Variants in MTFR2 observed in about 807,000 individuals in gnomAD.
The protein encoded by MTFR2 is DUF729 domain-containing protein 1.
A neutral mutation model predicts 41.2 loss-of-function variants in MTFR2; 44 were observed. The ratio of observed to expected loss-of-function variants is 1.07; its 90% CI spans 0.84 to 1.37. The LOEUF is 1.37. MTFR2 is among the 40% of genes most tolerant of loss of function. The pLI is 0.00. For missense variants in MTFR2, 452 were observed against 459.5 expected, an observed-to-expected ratio of 0.98 and a Z score of 0.15; for synonymous variants, 141 against 154.6, an observed-to-expected ratio of 0.91 and a Z score of 0.65.
chr6:136,246,069 C>T (rs1001110114), intron 2 of MTFR2, among the ~76,000 whole-genome samples: 2 of 152,104 alleles, frequency 1.3e-5, no homozygotes, highest in African/African-American at 4.8e-5. Flanking sequence ...CATCTGCGTA[C>T]CCCTGCTAAG....
At chr6:136,236,344 T>C (rs6909064) in intron 6 of MTFR2, among the ~76,000 whole-genome samples, 2,166 of 152,196 alleles carry the variant, frequency 0.014, 41 homozygotes, top group African/African-American at 0.049. Context: ...TGATGACACT[T>C]GGCTCCCAAC....
intron 3 of MTFR2, 111 bp downstream of exon 3, chr6:136,244,653 GT>G: frequency 6.9e-6 from 5 of 721,834 alleles, no homozygotes; most frequent in South Asian, 1.8e-5. Flanking sequence ...TAAACTACAG[GT>G]TTTTGGCTTG....
intron 6 of MTFR2, among the ~76,000 whole-genome samples, chr6:136,234,633 T>C (rs1779857723): frequency 6.6e-6 from 1 of 152,150 alleles, no homozygotes; most frequent in South Asian, 2.1e-4. Flanking sequence ...CTAGAACTGA[T>C]TCAAGCACAA....
Position 136,241,077 on chromosome 6 carries a change from C to A in MTFR2, c.514+367G>T, listed in dbSNP as rs181047105. Among the ~76,000 whole-genome samples the A allele has an allele frequency of 1.5e-3, 192 of 130,896 alleles. 1 individual carries two copies. The highest frequency in any genetic ancestry group is 5.4e-3 in the African/African-American group (187 of 34,634). The allele number at this position is 130,896 out of a possible 152,430, so 85.9% of individuals were successfully genotyped here. On this transcript the variant is annotated intron_variant, in intron 5 of 7. Transcript: ENST00000420702. ...CTGCACTCCAGCCTGGGCGACAGAG[C>A]AAGACTGCGTCTCAAAAAAAAAAAA...
In MTFR2 at chr6:136,231,436, A is replaced by C. The variant is rs1255793405; in HGVS notation, c.1045-48T>G. On this transcript the variant is annotated intron_variant, in intron 7 of 7. Transcript: ENST00000420702. ...CACAGAAATTATTCTAATGTCAAAA[A>C]AAAAAAAGAATGGCAAGACAAAGGC... The C allele has an allele frequency of 7.5e-6, 9 of 1,198,624 alleles. No individual in the cohort carries two copies. In the South Asian group the frequency reaches 1.1e-4, roughly 14 times the overall value. 74.2% of individuals were successfully genotyped at this position (1,198,624 alleles called of 1,614,324 possible).
intron 4 of MTFR2, among the ~76,000 whole-genome samples, chr6:136,241,934 C>T (rs955025382): frequency 3.3e-5 from 5 of 151,362 alleles, no homozygotes; most frequent in African/African-American, 9.7e-5. Flanking sequence ...TTTAAAAATT[C>T]GCCGGTGTGA....
intron 4 of MTFR2, among the ~76,000 whole-genome samples, chr6:136,242,566 T>A (rs1780108752): frequency 6.6e-6 from 1 of 152,106 alleles, no homozygotes; most frequent in Non-Finnish European, 1.5e-5. Flanking sequence ...ACATTTAACA[T>A]CATTGCCTGG....
At chr6:136,239,167 G>A (rs914822867) in intron 6 of MTFR2, among the ~76,000 whole-genome samples, 26 of 152,206 alleles carry the variant, frequency 1.7e-4, no homozygotes, top group African/African-American at 6.0e-4. Context: ...CAAGATGTGT[G>A]TGTGTGTCCT....
chr6:136,237,271 A>G (rs917342722), intron 6 of MTFR2, among the ~76,000 whole-genome samples: 2 of 152,250 alleles, frequency 1.3e-5, no homozygotes, highest in South Asian at 4.1e-4. Context: ...TCACACAAAG[A>G]ACATGCGATC....
chr6:136,238,707 C>CACAA (rs1363598390), intron 6 of MTFR2, among the ~76,000 whole-genome samples: 9 of 150,634 alleles, frequency 6.0e-5, no homozygotes, highest in African/African-American at 2.2e-4. Context: ...CACACACACA[C>CACAA]ATGGAACTCA....
chr6:136,241,070 G>T (rs188523332), intron 5 of MTFR2, among the ~76,000 whole-genome samples: 3 of 144,362 alleles, frequency 2.1e-5, no homozygotes, highest in East Asian at 2.0e-4. Flanking sequence ...CAGCCTGGGC[G>T]ACAGAGCAAG....
At chr6:136,243,566 G>A (rs1780136839) in intron 3 of MTFR2, among the ~76,000 whole-genome samples, 1 of 151,996 alleles carries the variant, frequency 6.6e-6, no homozygotes, top group Non-Finnish European at 1.5e-5. Flanking sequence ...AAGTCAGCCA[G>A]GTGTGGTGGT....
At chr6:136,243,438 G>T (rs1208962089) in intron 3 of MTFR2, among the ~76,000 whole-genome samples, 1 of 152,132 alleles carries the variant, frequency 6.6e-6, no homozygotes, top group Admixed American at 6.5e-5. Context: ...TGGGCATGGT[G>T]GTGCATTCCT....
chr6:136,237,062 T>G (rs773338997), intron 6 of MTFR2, among the ~76,000 whole-genome samples: 1 of 152,108 alleles, frequency 6.6e-6, no homozygotes, highest in Non-Finnish European at 1.5e-5. Context: ...TGCTCCTCTT[T>G]CCCCACTCAG....
At chr6:136,245,009 T>C (rs1780181007) in intron 2 of MTFR2, 140 bp from the exon 3 acceptor site, 2 of 581,660 alleles carry the variant, frequency 3.4e-6, no homozygotes, top group Admixed American at 3.5e-5. Context: ...TAAAATAACA[T>C]TTATTTTTAA....
chr6:136,241,750 C>A, intron 4 of MTFR2, 74 bp from the exon 5 acceptor site: 2 of 1,119,882 alleles, frequency 1.8e-6, no homozygotes, highest in Non-Finnish European at 2.6e-6. Flanking sequence ...TCTTACACTC[C>A]TACGTGAAAA....
At chr6:136,249,007 A>G (rs771836544) in intron 2 of MTFR2, 30 bp downstream of exon 2, 1 of 1,571,214 alleles carries the variant, frequency 6.4e-7, no homozygotes, top group Non-Finnish European at 8.7e-7. Context: ...CAAATACAAC[A>G]GATCCATTCC....
At chr6:136,237,233 G>A (rs1779930283) in intron 6 of MTFR2, among the ~76,000 whole-genome samples, 1 of 152,190 alleles carries the variant, frequency 6.6e-6, no homozygotes. Flanking sequence ...TCACTAAACT[G>A]TGAAGCTCCC....
At chr6:136,245,298 G>A (rs1780187164) in intron 2 of MTFR2, among the ~76,000 whole-genome samples, 1 of 152,140 alleles carries the variant, frequency 6.6e-6, no homozygotes, top group South Asian at 2.1e-4. Context: ...GTATACTTAT[G>A]TAATTTCCTT....
Sources: gnomAD v4.1 joint callset for allele counts (sites outside exome capture counted in the v4.1 genomes callset) on GRCh38, gnomAD v4.1.1 for gene constraint, MANE v1.5 for transcripts, NCBI Gene and HGNC (gene_info 2026-07-23, HGNC 2026-07-21) for gene names.